TAFA5: variants seen among roughly 807,000 people sequenced by gnomAD.
TAFA5 encodes the protein chemokine-like protein TAFA-5.
In TAFA5, 6 loss-of-function variants were observed where a neutral mutation model predicts 15.3. The observed-to-expected ratio is 0.39, with a 90% CI of 0.21 to 0.77. The LOEUF (loss-of-function observed/expected upper bound fraction) is 0.77. Among genes scored for constraint, TAFA5 ranks in the 30% least tolerant of loss-of-function variants. The pLI is 0.41. For synonymous variants in TAFA5, 103 were observed against 80.7 expected (o/e 1.28, Z -1.48); for missense variants, 161 against 193.1 (o/e 0.83, Z 0.98).
chr22:48,554,896 C>G (rs1021361301), intron 1 of TAFA5, among the ~76,000 whole-genome samples: 1 of 152,206 alleles, frequency 6.6e-6, no homozygotes, highest in Non-Finnish European at 1.5e-5. Context: ...GCTTCCTCTC[C>G]CCATAGTGGT....
chr22:48,520,584 G>A (rs892146849), intron 1 of TAFA5, among the ~76,000 whole-genome samples: 4 of 152,184 alleles, frequency 2.6e-5, no homozygotes, highest in Admixed American at 6.5e-5. Flanking sequence ...GCCTGCCATC[G>A]GGGACTTGAG....
At chr22:48,549,196 T>C (rs1286180955) in intron 1 of TAFA5, among the ~76,000 whole-genome samples, 1 of 152,264 alleles carries the variant, frequency 6.6e-6, no homozygotes, top group East Asian at 1.9e-4. Flanking sequence ...CTTGATTCTC[T>C]TTAGACAGTC....
At chr22:48,702,073 G>A (rs868643082) in intron 2 of TAFA5, among the ~76,000 whole-genome samples, 3 of 152,152 alleles carry the variant, frequency 2.0e-5, no homozygotes, top group Non-Finnish European at 4.4e-5. Context: ...TGGCCCCGGG[G>A]ATGATACGCA....
chr22:48,525,335 C>G (rs1921743197), intron 1 of TAFA5, among the ~76,000 whole-genome samples: 1 of 152,156 alleles, frequency 6.6e-6, no homozygotes, highest in Non-Finnish European at 1.5e-5. Context: ...GACCTCCACA[C>G]AGGGACCCTG....
intron 1 of TAFA5, among the ~76,000 whole-genome samples, chr22:48,575,695 C>T (rs1441357491): frequency 1.4e-5 from 2 of 144,892 alleles, no homozygotes; most frequent in Non-Finnish European, 3.1e-5. Context: ...GCGGCGGAGG[C>T]GCGGGCTGCT....
chr22:48,743,659 G>A (rs1930245666), intron 3 of TAFA5, among the ~76,000 whole-genome samples: 1 of 152,210 alleles, frequency 6.6e-6, no homozygotes, highest in East Asian at 1.9e-4. Context: ...GGAGCGGACT[G>A]TGGGGGAGCT....
At chr22:48,663,316 C>T (rs534937186) in intron 2 of TAFA5, among the ~76,000 whole-genome samples, 11 of 150,346 alleles carry the variant, frequency 7.3e-5, no homozygotes, top group Non-Finnish European at 3.0e-5. Flanking sequence ...GGCTGAGGGG[C>T]CACATTGGGG....
intron 1 of TAFA5, among the ~76,000 whole-genome samples, chr22:48,580,004 G>T (rs149155262): frequency 6.6e-6 from 1 of 152,294 alleles, no homozygotes; most frequent in Non-Finnish European, 1.5e-5. Flanking sequence ...CGGCTTGAAC[G>T]TGCTGTGCAA....
chr22:48,514,843 T>C (rs133506), intron 1 of TAFA5, among the ~76,000 whole-genome samples: 144,214 of 152,356 alleles, frequency 0.95, 68,374 homozygotes, highest in Middle Eastern at 0.99. Context: ...ATGGGGCTGT[T>C]GCTCTGGGCT....
At chr22:48,507,854 G>A (rs550363186) in intron 1 of TAFA5, among the ~76,000 whole-genome samples, 10 of 152,266 alleles carry the variant, frequency 6.6e-5, no homozygotes, top group South Asian at 4.1e-4. Context: ...GAGGAGCTCC[G>A]TGGGCCAGGA....
chr22:48,495,367 G>A (rs1024113607), intron 1 of TAFA5, among the ~76,000 whole-genome samples: 3 of 152,204 alleles, frequency 2.0e-5, no homozygotes, highest in African/African-American at 7.2e-5. Context: ...ACAGTCAGTC[G>A]GCACAAAGCA....
rs566049141 is a variant in TAFA5 at position 48,723,365 on chromosome 22, A to C, written c.390+15521A>C. ...AAATGTCAGCTCCCCGTTAAACCCA[A>C]GATATGGCGGGTGGCACAGGTCCTT... is the stretch of plus-strand genomic sequence containing the variant. On this transcript the variant is annotated intron_variant, in intron 3 of 3. Transcript: ENST00000402357. 2.0e-4 allele frequency among the ~76,000 whole-genome samples: 30 copies of C among 152,296 alleles called. No individual in the cohort carries two copies. The East Asian group carries it at 5.8e-3, about 29-fold the overall frequency.
At chr22:48,507,272 GACA>G (rs1921031835) in intron 1 of TAFA5, among the ~76,000 whole-genome samples, 2 of 151,280 alleles carry the variant, frequency 1.3e-5, no homozygotes, top group Admixed American at 1.3e-4. Context: ...AGGAGAAGGA[GACA>G]GTCATCAAGG....
chr22:48,642,911 C>T (rs1187562203), intron 1 of TAFA5, among the ~76,000 whole-genome samples: 1 of 152,160 alleles, frequency 6.6e-6, no homozygotes, highest in African/African-American at 2.4e-5. Flanking sequence ...CTCTAGAGCT[C>T]CACACACCCT....
chr22:48,670,997 G>A (rs1326793775), intron 2 of TAFA5, among the ~76,000 whole-genome samples: 1 of 152,146 alleles, frequency 6.6e-6, no homozygotes, highest in Non-Finnish European at 1.5e-5. Flanking sequence ...GAGGCCAGAG[G>A]GAAGCGTCAC....
At chr22:48,631,202 C>T (rs1004839349) in intron 1 of TAFA5, among the ~76,000 whole-genome samples, 1 of 152,176 alleles carries the variant, frequency 6.6e-6, no homozygotes, top group African/African-American at 2.4e-5. Context: ...CCTTGGTGTG[C>T]TCCGGGGTCT....
chr22:48,528,268 T>C (rs900727120), intron 1 of TAFA5, among the ~76,000 whole-genome samples: 9 of 152,166 alleles, frequency 5.9e-5, no homozygotes, highest in African/African-American at 2.2e-4. Context: ...TGGGGGCTGC[T>C]GCAGAGTTGC....
intron 2 of TAFA5, among the ~76,000 whole-genome samples, chr22:48,686,632 A>G (rs949234513): frequency 1.3e-5 from 2 of 152,334 alleles, no homozygotes; most frequent in East Asian, 1.9e-4. Context: ...GAAAGAATGG[A>G]TGGATGGATG....
chr22:48,683,397 CT>C (rs1397995960), intron 2 of TAFA5, among the ~76,000 whole-genome samples: 38 of 152,240 alleles, frequency 2.5e-4, no homozygotes, highest in Admixed American at 2.5e-3. Context: ...TTTCATCAGC[CT>C]AACAGCCCAG....
Sources: allele counts gnomAD v4.1 joint callset (sites outside exome capture counted in the v4.1 genomes callset), GRCh38; gene constraint gnomAD v4.1.1; transcripts MANE v1.5; gene names NCBI Gene and HGNC (gene_info 2026-07-23, HGNC 2026-07-21).